The following SUPT3H variants were observed in gnomAD, a reference collection of about 807,000 sequenced individuals.
SUPT3H encodes the protein transcription initiation protein SPT3 homolog.
Under a neutral mutation model 44.3 loss-of-function variants are expected in SUPT3H, and 44 were observed. That is an observed-to-expected ratio of 0.99 (90% CI 0.78 to 1.28). The LOEUF is 1.28. Ranked by LOEUF, SUPT3H falls within the 50% of genes most tolerant of loss-of-function variation. The pLI, the probability that SUPT3H is intolerant of heterozygous loss-of-function variation, is 0.00. For synonymous variants in SUPT3H, 124 were observed against 125.6 expected, an observed-to-expected ratio of 0.99 and a Z score of 0.09; for missense variants, 380 against 387.1, an observed-to-expected ratio of 0.98 and a Z score of 0.15.
chr6:45,039,494 T>A (rs1788180288), intron 3 of SUPT3H, among the ~76,000 whole-genome samples: 1 of 152,046 alleles, frequency 6.6e-6, no homozygotes, highest in African/African-American at 2.4e-5. Flanking sequence ...CACCTAACTT[T>A]AAAAAAATAC....
At chr6:45,113,599 G>A (rs1017919980) in intron 2 of SUPT3H, among the ~76,000 whole-genome samples, 5 of 152,054 alleles carry the variant, frequency 3.3e-5, no homozygotes, top group Admixed American at 1.3e-4. Context: ...GCCAAGGTGG[G>A]TAGATCACCT....
intron 9 of SUPT3H, among the ~76,000 whole-genome samples, chr6:44,940,216 T>A (rs139941511): frequency 6.6e-6 from 1 of 152,116 alleles, no homozygotes; most frequent in African/African-American, 2.4e-5. Context: ...ATGCTTTTGC[T>A]GTATACCACA....
At chr6:45,248,037 A>G (rs1357710476) in intron 2 of SUPT3H, among the ~76,000 whole-genome samples, 1 of 152,200 alleles carries the variant, frequency 6.6e-6, no homozygotes, top group Non-Finnish European at 1.5e-5. Context: ...GAAAAAATGA[A>G]TATTGACCCA....
At chr6:45,116,540 T>G (rs1447962795) in intron 2 of SUPT3H, among the ~76,000 whole-genome samples, 3 of 152,176 alleles carry the variant, frequency 2.0e-5, no homozygotes, top group Admixed American at 6.5e-5. Flanking sequence ...TTTGTTCCAG[T>G]AAGTGAAATT....
At chr6:44,853,904 A>G (rs1398332663) in intron 10 of SUPT3H, among the ~76,000 whole-genome samples, 1 of 151,980 alleles carries the variant, frequency 6.6e-6, no homozygotes, top group Non-Finnish European at 1.5e-5. Flanking sequence ...AAGTAAATTT[A>G]TACTTTATTC....
chr6:44,996,917 T>C (rs984772187), intron 6 of SUPT3H, among the ~76,000 whole-genome samples: 1 of 151,838 alleles, frequency 6.6e-6, no homozygotes, highest in Non-Finnish European at 1.5e-5. Context: ...CTCCCACTGA[T>C]TTCTAATACC....
chr6:45,308,277 A>C (rs2149973102), intron 2 of SUPT3H, among the ~76,000 whole-genome samples: 1 of 152,218 alleles, frequency 6.6e-6, no homozygotes, highest in African/African-American at 2.4e-5. Flanking sequence ...GAGAAGAGCA[A>C]CTCCAAGACA....
At chr6:45,350,952 T>C (rs1791881985) in intron 2 of SUPT3H, among the ~76,000 whole-genome samples, 2 of 152,122 alleles carry the variant, frequency 1.3e-5, no homozygotes, top group Admixed American at 6.5e-5. Context: ...GTCAGATCAG[T>C]AGCAGCATTA....
chr6:45,329,978 T>C (rs1274716634), intron 2 of SUPT3H, among the ~76,000 whole-genome samples: 2 of 151,894 alleles, frequency 1.3e-5, no homozygotes, highest in Admixed American at 1.3e-4. Flanking sequence ...TGGAGTTTCC[T>C]TTACTCCTCC....
chr6:45,213,758 TA>T (rs1017998751), intron 2 of SUPT3H, among the ~76,000 whole-genome samples: 1 of 152,020 alleles, frequency 6.6e-6, no homozygotes, highest in African/African-American at 2.4e-5. Flanking sequence ...TAAATTTTTA[TA>T]AGTTTTTAGT....
At chr6:45,003,421 T>C (rs1183349428) in intron 6 of SUPT3H, among the ~76,000 whole-genome samples, 2 of 152,148 alleles carry the variant, frequency 1.3e-5, no homozygotes, top group Non-Finnish European at 2.9e-5. Context: ...CTAATCATTT[T>C]CAAAACGGGA....
At chr6:45,060,790 C>T (rs57621038) in intron 3 of SUPT3H, among the ~76,000 whole-genome samples, 128 of 152,134 alleles carry the variant, frequency 8.4e-4, no homozygotes, top group African/African-American at 2.7e-3. Flanking sequence ...GGGCAAAGGA[C>T]GTGAACAGAC....
At chr6:44,899,652 G>A (rs1330603386) in intron 10 of SUPT3H, among the ~76,000 whole-genome samples, 6 of 152,038 alleles carry the variant, frequency 3.9e-5, no homozygotes, top group Non-Finnish European at 5.9e-5. Context: ...ATGCCACTGC[G>A]CTCCAACCTG....
intron 10 of SUPT3H, among the ~76,000 whole-genome samples, chr6:44,870,961 A>G (rs1439607053): frequency 6.6e-6 from 1 of 151,294 alleles, no homozygotes; most frequent in Non-Finnish European, 1.5e-5. Context: ...ACGGCGCACC[A>G]CGAGACTATA....
chr6:44,897,217 G>C (rs1764243993), intron 10 of SUPT3H, among the ~76,000 whole-genome samples: 1 of 152,154 alleles, frequency 6.6e-6, no homozygotes, highest in South Asian at 2.1e-4. Context: ...TACACACTTG[G>C]TGCTTTTTGA....
chr6:45,040,722 G>T (rs115405471), intron 3 of SUPT3H, among the ~76,000 whole-genome samples: 3 of 152,274 alleles, frequency 2.0e-5, no homozygotes, highest in African/African-American at 7.2e-5. Context: ...TTGAATAACA[G>T]AGAAGCCCCA....
At position 45,103,129 on chromosome 6, in the gene SUPT3H, T is replaced by C. The variant is rs184786284; in HGVS notation, c.186+2793A>G. Among the ~76,000 whole-genome samples, 86 of 152,340 alleles carry C rather than the reference T, an allele frequency of 5.6e-4. No individual in the cohort carries two copies. The Middle Eastern group carries it at 0.01, about 18-fold the overall frequency. ...TTTTGAAAATAACTGTTCTCTATAA[T>C]TCTTCCTTTCCTCTAAAGAACTCAC... is the stretch of plus-strand genomic sequence containing the variant. On this transcript the variant is annotated intron_variant, in intron 3 of 10. Coordinates refer to ENST00000371459, the MANE Select transcript of SUPT3H (RefSeq NM_003599.4).
chr6:45,196,526 G>A (rs1215780224), intron 2 of SUPT3H, among the ~76,000 whole-genome samples: 1 of 152,026 alleles, frequency 6.6e-6, no homozygotes, highest in Non-Finnish European at 1.5e-5. Context: ...CTAACTGAAA[G>A]ACTTTCATTA....
intron 2 of SUPT3H, among the ~76,000 whole-genome samples, chr6:45,185,985 C>T (rs890424570): frequency 1.3e-5 from 2 of 152,184 alleles, no homozygotes; most frequent in Non-Finnish European, 2.9e-5. Flanking sequence ...CCCTCCTACT[C>T]CTGTAGCAGT....
Sources: allele counts gnomAD v4.1 joint callset (sites outside exome capture counted in the v4.1 genomes callset), GRCh38; gene constraint gnomAD v4.1.1; transcripts MANE v1.5; gene names NCBI Gene and HGNC (gene_info 2026-07-23, HGNC 2026-07-21).